Variants in SRGAP2 observed in about 807,000 individuals in gnomAD.
SRGAP2 encodes the protein SLIT-ROBO Rho GTPase activating protein 2, also known as SLIT-ROBO Rho GTPase-activating protein 2.
In SRGAP2, 15 loss-of-function variants were observed where a neutral mutation model predicts 57.2. That is an observed-to-expected ratio of 0.26 (90% CI 0.18 to 0.40). The LOEUF (loss-of-function observed/expected upper bound fraction) is 0.40. SRGAP2 is among the 10% of genes least tolerant of loss of function. The pLI is 1.00. For missense variants in SRGAP2, 520 were observed against 669.6 expected (o/e 0.78, Z 2.47); for synonymous variants, 249 against 248.0 (o/e 1.00, Z -0.04).
At chr1:206,365,495 G>C (rs1382146155) in intron 4 of SRGAP2, among the ~76,000 whole-genome samples, 2 of 151,362 alleles carry the variant, frequency 1.3e-5, no homozygotes, top group African/African-American at 4.9e-5. Flanking sequence ...GTTGACAGAA[G>C]AATTTCAACA....
At chr1:206,366,643 A>G (rs1654040222) in intron 4 of SRGAP2, among the ~76,000 whole-genome samples, 1 of 152,050 alleles carries the variant, frequency 6.6e-6, no homozygotes, top group South Asian at 2.1e-4. Flanking sequence ...TTTGGAAGGG[A>G]TCAAGAAGCG....
chr1:206,416,509 G>A (rs781788106), intron 11 of SRGAP2, among the ~76,000 whole-genome samples: 8 of 152,180 alleles, frequency 5.3e-5, no homozygotes, highest in African/African-American at 1.2e-4. Flanking sequence ...GCCCTCTCTC[G>A]TGTGGCTATG....
intron 14 of SRGAP2, among the ~76,000 whole-genome samples, chr1:206,433,743 G>A (rs559328603): frequency 1.5e-4 from 23 of 152,092 alleles, no homozygotes; most frequent in Admixed American, 9.8e-4. Flanking sequence ...AGTGAATAAC[G>A]TAACCACAAT....
At chr1:206,394,093 C>T (rs1657325118) in intron 7 of SRGAP2, among the ~76,000 whole-genome samples, 1 of 119,992 alleles carries the variant, frequency 8.3e-6, no homozygotes, top group Non-Finnish European at 1.6e-5. Flanking sequence ...GTCCCCCAGG[C>T]TGGAGTGCAG....
rs782609090 is a variant in SRGAP2, at chr1:206,454,847, C to T, written c.2361-31C>T. The T allele has an allele frequency of 2.8e-6, 2 of 726,782 alleles. No homozygotes were observed. Among genetic ancestry groups the T allele is most frequent in the Non-Finnish European group, 5.1e-6 (2 of 392,132 alleles). 45.0% of individuals were successfully genotyped at this position (726,782 alleles called of 1,614,324 possible). ...TTTTTGTGTTGTTGTTGTTTTCCCT[C>T]CTCCCTGCCTGCCTGCCCCTTCTCC... is the stretch of plus-strand genomic sequence containing the variant. On this transcript the variant is annotated intron_variant, in intron 20 of 22. Transcript: ENST00000573034. The surrounding 1 kb of genome is among the most constrained non-coding windows in gnomAD (Gnocchi z 4.3).
chr1:206,436,265 G>A (rs537166097), intron 14 of SRGAP2, among the ~76,000 whole-genome samples: 1 of 152,048 alleles, frequency 6.6e-6, no homozygotes, highest in South Asian at 2.1e-4. Flanking sequence ...CAATCAAACC[G>A]TGTTAAAACA....
At chr1:206,312,126 G>A (rs1672689506) in intron 3 of SRGAP2, 2 of 152,100 alleles carry the variant, frequency 1.3e-5, no homozygotes, top group African/African-American at 4.8e-5. Context: ...AGCTGTAGCA[G>A]CTGTTGGGCT....
intron 3 of SRGAP2, among the ~76,000 whole-genome samples, chr1:206,304,581 G>C (rs1445380350): frequency 6.6e-6 from 1 of 152,038 alleles, no homozygotes. Flanking sequence ...AGCCATCCTG[G>C]CCCCCATGCA....
At chr1:206,272,448 G>A (rs1230245854) in intron 2 of SRGAP2, among the ~76,000 whole-genome samples, 59 of 151,372 alleles carry the variant, frequency 3.9e-4, no homozygotes, top group Non-Finnish European at 6.6e-4. Context: ...GTCTCGCTCC[G>A]TCACCCAGGC....
At position 206,446,058 on chromosome 1, in the gene SRGAP2, T is replaced by G; in HGVS notation, c.1875-17T>G. On this transcript the variant is annotated splice_polypyrimidine_tract_variant and intron_variant, in intron 17 of 22. Coordinates refer to ENST00000573034, the MANE Select transcript of SRGAP2 (RefSeq NM_015326.5). ...TGCGAGAGCTTTCCAGCTTGCCCCC[T>G]TTCCCTTCTCCTCCAGTTTATCACA... The G allele has an allele frequency of 1.3e-6, 1 of 779,466 alleles. No homozygotes were observed. The highest frequency in any genetic ancestry group is 2.4e-6 in the Non-Finnish European group (1 of 416,740). 48.3% of individuals were successfully genotyped at this position (779,466 alleles called of 1,614,324 possible). A position where few individuals can be genotyped will look rare whatever the true frequency, so the allele number is the denominator to read the frequency against.
At chr1:206,305,774 A>G (rs1228994106) in intron 3 of SRGAP2, among the ~76,000 whole-genome samples, 16 of 150,652 alleles carry the variant, frequency 1.1e-4, no homozygotes, top group Non-Finnish European at 2.1e-4. Flanking sequence ...CAGGACACAA[A>G]TTATCCTTTA....
intron 10 of SRGAP2, among the ~76,000 whole-genome samples, chr1:206,411,983 T>C (rs1659264061): frequency 6.6e-6 from 1 of 152,196 alleles, no homozygotes; most frequent in Non-Finnish European, 1.5e-5. Flanking sequence ...TATTATCCAA[T>C]TTCATTCTCA....
intron 3 of SRGAP2, among the ~76,000 whole-genome samples, chr1:206,314,106 T>TG (rs1491388063): frequency 0.035 from 2,626 of 75,766 alleles, 31 homozygotes; most frequent in Middle Eastern, 0.05. Context: ...GTTTTTTTTG[T>TG]TTTTTTTTTT....
chr1:206,454,897 A>T lies in SRGAP2; in HGVS notation c.2380A>T (p.Arg794Trp). ...CCCCAGCGAGGACGGTGTCGTGGAGAGGTCCAGCCCCAAGTCTGAGATTGA... is the reference window on the plus strand; with the variant it reads ...CCCCAGCGAGGACGGTGTCGTGGAGTGGTCCAGCCCCAAGTCTGAGATTGA... ...VQDTEDGVVE[R>W]SSPKSEIEVI... Residue 794 changes from arginine to tryptophan, a missense_variant, in exon 21 of 23, where the codon AGG (arginine) becomes TGG (tryptophan). Arg to Trp is a moderately radical substitution (Grantham distance 101, BLOSUM62 -3). This residue lies in a region of SRGAP2 where 478 missense variants were observed against 373.6 expected (regional missense o/e 1.28). Transcript: ENST00000573034. The surrounding 1 kb of genome is among the most constrained non-coding windows in gnomAD (Gnocchi z 4.3). 1 of 775,810 alleles carries T rather than the reference A, an allele frequency of 1.3e-6. No homozygotes were observed. Among genetic ancestry groups the T allele is most frequent in the South Asian group, 1.3e-5 (1 of 74,148 alleles). The allele number at this position is 775,810 out of a possible 1,614,324, so 48.1% of individuals were successfully genotyped here. A position where few individuals can be genotyped will look rare whatever the true frequency, so the allele number is the denominator to read the frequency against.
chr1:206,445,624 A>G (rs1286228963), intron 17 of SRGAP2, among the ~76,000 whole-genome samples: 2 of 152,190 alleles, frequency 1.3e-5, no homozygotes, highest in African/African-American at 4.8e-5. Flanking sequence ...AAGGTACACA[A>G]TGCACAGTGC....
At chr1:206,411,716 T>G (rs1659240719) in intron 10 of SRGAP2, among the ~76,000 whole-genome samples, 5 of 152,286 alleles carry the variant, frequency 3.3e-5, no homozygotes, top group Admixed American at 2.6e-4. Flanking sequence ...ATCCAGTGAG[T>G]TTTATACCCC....
intron 2 of SRGAP2, among the ~76,000 whole-genome samples, chr1:206,241,835 G>T (rs1668248150): frequency 6.6e-6 from 1 of 151,650 alleles, no homozygotes; most frequent in South Asian, 2.1e-4. Context: ...TTTTAGAAAT[G>T]ATTGCTCTAT....
At chr1:206,262,443 T>C (rs1207927139) in intron 2 of SRGAP2, among the ~76,000 whole-genome samples, 1 of 147,844 alleles carries the variant, frequency 6.8e-6, no homozygotes, top group Non-Finnish European at 1.5e-5. Context: ...GAAGGCACTC[T>C]CTTTTACATG....
intron 2 of SRGAP2, among the ~76,000 whole-genome samples, chr1:206,266,535 G>A (rs1553314559): frequency 1.3e-5 from 2 of 152,084 alleles, no homozygotes; most frequent in Non-Finnish European, 2.9e-5. Context: ...GAGCCACCAC[G>A]CCCGACCTTC....
Sources: gnomAD v4.1 joint callset for allele counts (sites outside exome capture counted in the v4.1 genomes callset) on GRCh38, gnomAD v4.1.1 for gene constraint, gnomAD v4.1.1 regional missense constraint, Gnocchi (gnomAD v3.1) non-coding constraint, MANE v1.5 for transcripts, NCBI Gene and HGNC (gene_info 2026-07-23, HGNC 2026-07-21) for gene names.